Variants in ANKRD30BL observed in about 807,000 individuals in gnomAD.
The protein encoded by ANKRD30BL is putative ankyrin repeat domain-containing protein 30B-like.
ANKRD30BL carries 20 observed loss-of-function variants against 18.4 expected under a neutral mutation model. That is an observed-to-expected ratio of 1.09 (90% CI 0.77 to 1.58). The LOEUF (loss-of-function observed/expected upper bound fraction) is 1.58. ANKRD30BL is among the 40% of genes most tolerant of loss of function. The probability of loss-of-function intolerance (pLI) is 0.00; values close to 1 mark genes in which losing one functional copy is unlikely to be tolerated. For missense variants in ANKRD30BL, 224 were observed against 268.6 expected, an observed-to-expected ratio of 0.83 and a Z score of 1.16; for synonymous variants, 72 against 100.9, an observed-to-expected ratio of 0.71 and a Z score of 1.72.
chr2:132,215,116 CTT>C (rs2104762499), intron 1 of ANKRD30BL, among the ~76,000 whole-genome samples: 1 of 151,716 alleles, frequency 6.6e-6, no homozygotes, highest in Admixed American at 6.6e-5. Flanking sequence ...TTGAGACACT[CTT>C]TTTGCAGAAT....
At chr2:132,232,242 G>C (rs1405303747) in intron 1 of ANKRD30BL, among the ~76,000 whole-genome samples, 5 of 152,154 alleles carry the variant, frequency 3.3e-5, no homozygotes, top group Non-Finnish European at 7.3e-5. Context: ...GGAAAAAACA[G>C]AACAGAAAAA....
intron 1 of ANKRD30BL, among the ~76,000 whole-genome samples, chr2:132,213,653 A>G (rs1679414663): frequency 6.6e-6 from 1 of 152,240 alleles, no homozygotes; most frequent in South Asian, 2.1e-4. Context: ...ACCTTCACAT[A>G]AAAACTAGAC....
At chr2:132,242,594 A>T (rs1378931499) in intron 1 of ANKRD30BL, among the ~76,000 whole-genome samples, 3 of 151,670 alleles carry the variant, frequency 2.0e-5, no homozygotes, top group Non-Finnish European at 4.4e-5. Context: ...TGATGTGTGT[A>T]CTCAACTCAC....
chr2:132,245,383 G>C (rs144743886), intron 1 of ANKRD30BL, among the ~76,000 whole-genome samples: 1 of 147,928 alleles, frequency 6.8e-6, no homozygotes, highest in Non-Finnish European at 1.5e-5. Flanking sequence ...ACTCTTTTTG[G>C]AGTATTTGGA....
At chr2:132,219,058 T>G (rs1331504209) in intron 1 of ANKRD30BL, among the ~76,000 whole-genome samples, 1 of 151,954 alleles carries the variant, frequency 6.6e-6, no homozygotes, top group Non-Finnish European at 1.5e-5. Flanking sequence ...TTTCTTTTGA[T>G]AGAGTAGGTT....
chr2:132,208,521 G>T (rs1328433791), intron 1 of ANKRD30BL, among the ~76,000 whole-genome samples: 4 of 152,086 alleles, frequency 2.6e-5, no homozygotes, highest in African/African-American at 4.8e-5. Flanking sequence ...ACATGGCCAG[G>T]GTTCCTGAGT....
intron 1 of ANKRD30BL, among the ~76,000 whole-genome samples, chr2:132,180,904 T>G (rs1047557804): frequency 2.0e-5 from 3 of 151,980 alleles, no homozygotes; most frequent in Non-Finnish European, 4.4e-5. Context: ...TCCCAGCACT[T>G]TGGGAGGCTG....
At chr2:132,256,137 A>C (rs1680827611) in intron 1 of ANKRD30BL, among the ~76,000 whole-genome samples, 1 of 152,250 alleles carries the variant, frequency 6.6e-6, no homozygotes, top group Non-Finnish European at 1.5e-5. Flanking sequence ...CTGCGTACTT[A>C]GACATGTATG....
chr2:132,215,254 A>G (rs550719735), intron 1 of ANKRD30BL, among the ~76,000 whole-genome samples: 3 of 152,386 alleles, frequency 2.0e-5, no homozygotes, highest in Admixed American at 6.5e-5. Flanking sequence ...ACAGAGTTGA[A>G]CATTTCTTTT....
intron 1 of ANKRD30BL, among the ~76,000 whole-genome samples, chr2:132,210,310 T>C (rs1303416588): frequency 1.3e-5 from 2 of 152,044 alleles, no homozygotes; most frequent in African/African-American, 2.4e-5. Flanking sequence ...ACTCTTTTTG[T>C]AGAATCTGCA....
At chr2:132,236,888 A>G (rs1316966668) in intron 1 of ANKRD30BL, among the ~76,000 whole-genome samples, 2 of 151,834 alleles carry the variant, frequency 1.3e-5, no homozygotes, top group Admixed American at 1.3e-4. Flanking sequence ...ATGTCCAACA[A>G]TGATAGACTG....
intron 1 of ANKRD30BL, among the ~76,000 whole-genome samples, chr2:132,221,120 G>A (rs1283259342): frequency 8.8e-5 from 13 of 147,994 alleles, no homozygotes; most frequent in Admixed American, 2.0e-4. Flanking sequence ...GAGCCCCTCC[G>A]TCCAGCAGCC....
intron 1 of ANKRD30BL, among the ~76,000 whole-genome samples, chr2:132,233,277 C>T (rs1212794606): frequency 1.3e-5 from 2 of 151,406 alleles, no homozygotes; most frequent in African/African-American, 4.9e-5. Context: ...ACTGCATCAA[C>T]TAATGAGCAA....
intron 1 of ANKRD30BL, among the ~76,000 whole-genome samples, chr2:132,203,227 C>T: frequency 6.6e-6 from 1 of 152,282 alleles, no homozygotes; most frequent in East Asian, 1.9e-4. Context: ...GTTCAAGGAG[C>T]TTGGCTCAAT....
At chr2:132,180,015 G>C (rs980998501) in intron 1 of ANKRD30BL, among the ~76,000 whole-genome samples, 2 of 152,000 alleles carry the variant, frequency 1.3e-5, no homozygotes, top group Non-Finnish European at 2.9e-5. Flanking sequence ...ATTACAGTAA[G>C]CTAAAGCTAA....
At chr2:132,232,373 G>C (rs542187507) in intron 1 of ANKRD30BL, among the ~76,000 whole-genome samples, 5 of 152,112 alleles carry the variant, frequency 3.3e-5, no homozygotes, top group Admixed American at 1.3e-4. Flanking sequence ...GGCTTCAGAC[G>C]ATCAAATTAC....
chr2:132,232,131 G>T (rs1424428056), intron 1 of ANKRD30BL, among the ~76,000 whole-genome samples: 2 of 152,186 alleles, frequency 1.3e-5, no homozygotes, highest in African/African-American at 4.8e-5. Context: ...GGTCCTGTCT[G>T]TTAGAAGGAA....
At chr2:132,253,847 C>G (rs962649051) in intron 1 of ANKRD30BL, among the ~76,000 whole-genome samples, 7 of 152,070 alleles carry the variant, frequency 4.6e-5, no homozygotes, top group Admixed American at 6.5e-5. Context: ...TCGAGACCCC[C>G]TAGCGGGAAG....
At chr2:132,236,721 C>A (rs1183977760) in intron 1 of ANKRD30BL, among the ~76,000 whole-genome samples, 1 of 152,052 alleles carries the variant, frequency 6.6e-6, no homozygotes, top group African/African-American at 2.4e-5. Context: ...GTGTGGTGAT[C>A]CCTCAGGGAT....
Sources: gnomAD v4.1 joint callset for allele counts (sites outside exome capture counted in the v4.1 genomes callset) on GRCh38, gnomAD v4.1.1 for gene constraint, MANE v1.5 for transcripts, NCBI Gene and HGNC (gene_info 2026-07-23, HGNC 2026-07-21) for gene names.